The following ADGRD1 variants were observed in gnomAD, a reference collection of about 807,000 sequenced individuals.
The protein encoded by ADGRD1 is adhesion G protein-coupled receptor D1.
In ADGRD1, 77 loss-of-function variants were observed where a neutral mutation model predicts 113.4. That is an observed-to-expected ratio of 0.68 (90% CI 0.57 to 0.82). ADGRD1 has a LOEUF of 0.82. ADGRD1 is among the 40% of genes least tolerant of loss of function. ADGRD1 has a pLI of 0.00. For synonymous variants in ADGRD1, 474 were observed against 475.0 expected (o/e 1.00, Z 0.03); for missense variants, 1,036 against 1,139.1 (o/e 0.91, Z 1.30).
At chr12:131,039,277 T>C (rs567810513) in intron 13 of ADGRD1, among the ~76,000 whole-genome samples, 158 of 152,224 alleles carry the variant, frequency 1.0e-3, no homozygotes, top group African/African-American at 3.7e-3. Context: ...AGCCCTGTGC[T>C]CCTGGCCCCT....
At chr12:131,137,492 T>C (rs1951120607) in intron 23 of ADGRD1, among the ~76,000 whole-genome samples, 1 of 152,240 alleles carries the variant, frequency 6.6e-6, no homozygotes, top group African/African-American at 2.4e-5. Flanking sequence ...CCCCAAGGAC[T>C]TCTGTTCCTG....
intron 8 of ADGRD1, among the ~76,000 whole-genome samples, chr12:130,997,013 A>C (rs1593322116): frequency 9.1e-6 from 1 of 110,434 alleles, no homozygotes; most frequent in Non-Finnish European, 1.9e-5. Flanking sequence ...CGGGGGGCTG[A>C]CCCCCCCACC....
chr12:130,954,753 C>A lies in ADGRD1; in HGVS notation c.103+93C>A. The A allele has an allele frequency of 8.2e-7, 1 of 1,222,098 alleles. No individual in the cohort carries two copies. The highest frequency in any genetic ancestry group is 1.2e-6 in the Non-Finnish European group (1 of 828,624). The allele number at this position is 1,222,098 out of a possible 1,614,324, so 75.7% of individuals were successfully genotyped here. ...GCCCACTTGTTCATCTCTGAGGCAT[C>A]AGCGAATGGCCCTTGTTGGGCTCCT... On this transcript the variant is annotated intron_variant, in intron 2 of 24. Coordinates refer to ENST00000261654, the MANE Select transcript of ADGRD1 (RefSeq NM_198827.5). The surrounding 1 kb of genome is among the most constrained non-coding windows in gnomAD (Gnocchi z 4.7).
intron 19 of ADGRD1, among the ~76,000 whole-genome samples, chr12:131,120,240 C>T (rs1950560313): frequency 6.6e-6 from 1 of 152,200 alleles, no homozygotes; most frequent in African/African-American, 2.4e-5. Flanking sequence ...GTCCTAGGGA[C>T]TCTTCGGCTC....
intron 21 of ADGRD1, among the ~76,000 whole-genome samples, chr12:131,135,672 C>CT (rs148139638): frequency 2.0e-3 from 308 of 152,110 alleles, no homozygotes; most frequent in African/African-American, 7.1e-3. Flanking sequence ...GGGGGATGCT[C>CT]TGCTGCTTCA....
chr12:130,990,926 G>A lies in ADGRD1; in HGVS notation c.746-88G>A, dbSNP rs972828771. Reference sequence around the variant, plus strand: ...TCAGACTCTCTTCCATGTGTCTGAAGCCAGTACATTTTTAACAAGGACAGG... The same window carrying A: ...TCAGACTCTCTTCCATGTGTCTGAAACCAGTACATTTTTAACAAGGACAGG... On this transcript the variant is annotated intron_variant, in intron 6 of 24. Transcript: ENST00000261654. The A allele has an allele frequency of 7.1e-6, 7 of 980,144 alleles. 1 individual carries two copies. In the African/African-American group the frequency reaches 8.0e-5, roughly 11 times the overall value. The allele number at this position is 980,144 out of a possible 1,614,324, so 60.7% of individuals were successfully genotyped here. A position where few individuals can be genotyped will look rare whatever the true frequency, so the allele number is the denominator to read the frequency against.
At chr12:130,997,059 G>A (rs1235472401) in intron 8 of ADGRD1, among the ~76,000 whole-genome samples, 1 of 123,196 alleles carries the variant, frequency 8.1e-6, no homozygotes, top group African/African-American at 3.1e-5. Flanking sequence ...AGGCAGAGGG[G>A]CTCCTCACTT....
intron 13 of ADGRD1, among the ~76,000 whole-genome samples, chr12:131,028,901 A>G (rs1880292041): frequency 6.6e-6 from 1 of 152,206 alleles, no homozygotes; most frequent in Non-Finnish European, 1.5e-5. Context: ...GGTGAGACGC[A>G]TTTAAAAATT....
Position 130,966,691 on chromosome 12 carries a change from C to T in ADGRD1, c.187+145C>T. ...AGAGTGACTGTGGGCCGGGGAATCC[C>T]AGGGCCATCGGGGAGCAGATGTGGA... On this transcript the variant is annotated intron_variant, in intron 3 of 24. Coordinates refer to ENST00000261654, the MANE Select transcript of ADGRD1 (RefSeq NM_198827.5). This position sits in a 1 kb window ranked among gnomAD's most constrained non-coding sequence, Gnocchi z 4.6. The T allele has an allele frequency of 1.5e-6, 1 of 646,766 alleles. No homozygotes were observed. Among genetic ancestry groups the T allele is most frequent in the South Asian group, 1.8e-5 (1 of 56,610 alleles). The allele number at this position is 646,766 out of a possible 1,614,324, so 40.1% of individuals were successfully genotyped here.
chr12:131,124,413 A>G (rs1054127704), intron 20 of ADGRD1, among the ~76,000 whole-genome samples: 1 of 152,344 alleles, frequency 6.6e-6, no homozygotes, highest in African/African-American at 2.4e-5. Context: ...CTTCAAGATT[A>G]TATGCACCTA....
intron 13 of ADGRD1, among the ~76,000 whole-genome samples, chr12:131,054,596 C>A (rs571044819): frequency 6.6e-6 from 1 of 152,156 alleles, no homozygotes; most frequent in South Asian, 2.1e-4. Flanking sequence ...CAGTTCGGTT[C>A]CCTGTAATCC....
intron 13 of ADGRD1, chr12:131,023,531 AGCCCCTTCT>A (rs1879576262): frequency 6.6e-6 from 1 of 152,116 alleles, no homozygotes; most frequent in Admixed American, 6.5e-5. Context: ...CTTTTTAAAT[AGCCCCTTCT>A]GTCTCCTGTG....
At chr12:131,042,364 CT>C (rs1305462049) in intron 13 of ADGRD1, among the ~76,000 whole-genome samples, 3 of 152,222 alleles carry the variant, frequency 2.0e-5, no homozygotes, top group African/African-American at 7.2e-5. Context: ...CCCCAGCCCC[CT>C]GAGCCGCGTT....
intron 12 of ADGRD1, among the ~76,000 whole-genome samples, chr12:131,007,572 G>C (rs61083800): frequency 0.044 from 6,626 of 152,270 alleles, 281 homozygotes; most frequent in African/African-American, 0.12. Flanking sequence ...CACGGACCCA[G>C]GTGTCTGCAG....
At chr12:131,087,128 ACTC>A (rs1886522363) in intron 15 of ADGRD1, among the ~76,000 whole-genome samples, 1 of 151,794 alleles carries the variant, frequency 6.6e-6, no homozygotes, top group South Asian at 2.1e-4. Context: ...CTGGTCTTGA[ACTC>A]CTGGCTTCAA....
chr12:131,068,465 G>A (rs1884899266), intron 13 of ADGRD1, among the ~76,000 whole-genome samples: 1 of 152,166 alleles, frequency 6.6e-6, no homozygotes, highest in African/African-American at 2.4e-5. Context: ...GGCCACTCCA[G>A]GCCTTGGTAC....
chr12:130,995,564 G>C (rs1484925097), intron 8 of ADGRD1, among the ~76,000 whole-genome samples: 1 of 152,214 alleles, frequency 6.6e-6, no homozygotes. Context: ...GAGAGAGGTA[G>C]TGGCAGCCTG....
rs1218448872 is a variant in ADGRD1, at chr12:131,060,117, G to A, written c.1474-16684G>A. Among the ~76,000 whole-genome samples, 1 of 152,270 alleles carries A rather than the reference G, an allele frequency of 6.6e-6. No homozygotes were observed. The stretch of plus-strand genomic sequence containing the variant: ...TCTGTGTCCCTTGGAGTCCTGGTGA[G>A]GGCTGGGTGCCGCATGGCTACTGGG... On this transcript the variant is annotated intron_variant, in intron 13 of 24. Coordinates refer to ENST00000261654, the MANE Select transcript of ADGRD1 (RefSeq NM_198827.5). The surrounding 1 kb of genome is among the most constrained non-coding windows in gnomAD (Gnocchi z 4.4).
intron 16 of ADGRD1, among the ~76,000 whole-genome samples, chr12:131,105,315 G>A (rs763153241): frequency 9.9e-5 from 15 of 152,228 alleles, no homozygotes; most frequent in African/African-American, 3.1e-4. Flanking sequence ...CTGTGATCAC[G>A]CCACGAGGCA....
Sources: allele counts gnomAD v4.1 joint callset (sites outside exome capture counted in the v4.1 genomes callset), GRCh38; gene constraint gnomAD v4.1.1; non-coding constraint Gnocchi (gnomAD v3.1); transcripts MANE v1.5; gene names NCBI Gene and HGNC (gene_info 2026-07-23, HGNC 2026-07-21).